The following MRPS18A variants were observed in gnomAD, a reference collection of about 807,000 sequenced individuals.
MRPS18A encodes the protein mitochondrial ribosomal protein S18A.
A neutral mutation model predicts 22.7 loss-of-function variants in MRPS18A; 20 were observed. The observed-to-expected ratio is 0.88, with a 90% CI of 0.62 to 1.28. The LOEUF is 1.28. Ranked by LOEUF, MRPS18A falls within the 50% of genes most tolerant of loss-of-function variation. MRPS18A has a pLI of 0.00. For synonymous variants in MRPS18A, 106 were observed against 99.1 expected, an observed-to-expected ratio of 1.07 and a Z score of -0.41; for missense variants, 294 against 262.6, an observed-to-expected ratio of 1.12 and a Z score of -0.83.
Position 43,671,239 on chromosome 6 carries a change from G to T in MRPS18A, c.*523C>A. On this transcript the variant is annotated 3_prime_UTR_variant, in exon 6 of 6. Transcript: ENST00000372133. Reference sequence around the variant, plus strand: ...AGTTTCTTGGATTCACACGAGAGCGGCAAGTGTGTCAGGCAGCCCACCTTG... The same window carrying T: ...AGTTTCTTGGATTCACACGAGAGCGTCAAGTGTGTCAGGCAGCCCACCTTG... The T allele has an allele frequency of 1.9e-6, 1 of 538,830 alleles. No homozygotes were observed. Among genetic ancestry groups the T allele is most frequent in the South Asian group, 2.2e-5 (1 of 45,714 alleles). 33.4% of individuals were successfully genotyped at this position (538,830 alleles called of 1,614,324 possible). A position where few individuals can be genotyped will look rare whatever the true frequency, so the allele number is the denominator to read the frequency against.
At chr6:43,676,142 C>T (rs765786344) in intron 3 of MRPS18A, among the ~76,000 whole-genome samples, 10 of 149,772 alleles carry the variant, frequency 6.7e-5, no homozygotes, top group Non-Finnish European at 8.9e-5. Flanking sequence ...TGCGCCCCTA[C>T]ACCCAGCCTC....
In MRPS18A at chr6:43,671,851, G is replaced by T. The variant is rs142429428; in HGVS notation, c.502C>A (p.Arg168Ser). 1.3e-5 allele frequency: 21 copies of T among 1,613,866 alleles called. No homozygotes were observed. Among genetic ancestry groups the T allele is most frequent in the Non-Finnish European group, 1.7e-5 (20 of 1,179,958 alleles). The change falls in exon 6 of 6, where the codon CGC becomes AGC. Residue 168 changes from arginine (R) to serine (S), a missense_variant. Coordinates refer to ENST00000372133, the MANE Select transcript of MRPS18A (RefSeq NM_018135.4). ...SVKPIYKKGPRWNRVRMPVGS... is the reference protein window; with the variant it reads ...SVKPIYKKGPSWNRVRMPVGS... ...ACGGGCATGCGCACCCTGTTCCAGC[G>T]GGGGCCTTTTTTGTAGATGGGCTTG...
chr6:43,671,922 A>C lies in MRPS18A; in HGVS notation c.447-16T>G, dbSNP rs199719530. 45 of 1,584,594 alleles carry C rather than the reference A, an allele frequency of 2.8e-5. No homozygotes were observed. The Admixed American group carries it at 8.0e-4, about 28-fold the overall frequency. Reference sequence around the variant, plus strand: ...CGTCAGGTACCTGTGGAGGGAGAACAAAGAGGTGCCTGTGAGGGCTGGGGG... The same window carrying C: ...CGTCAGGTACCTGTGGAGGGAGAACCAAGAGGTGCCTGTGAGGGCTGGGGG... On this transcript the variant is annotated splice_polypyrimidine_tract_variant and intron_variant, in intron 5 of 5. Coordinates refer to ENST00000372133, the MANE Select transcript of MRPS18A (RefSeq NM_018135.4).
Position 43,678,535 on chromosome 6 carries a change from G to T in MRPS18A, c.235C>A (p.His79Asn), listed in dbSNP as rs1270709653. The T allele has an allele frequency of 6.2e-7, 1 of 1,612,158 alleles. No homozygotes were observed. Among genetic ancestry groups the T allele is most frequent in the Non-Finnish European group, 8.5e-7 (1 of 1,178,364 alleles). Residue 79 changes from histidine to asparagine, a missense_variant, in exon 3 of 6, where the codon CAC becomes AAC. By Grantham distance (68) the His-to-Asn change is moderately conservative. Transcript: ENST00000372133. ...QCPICRWNLK[H>N]KYNYDDVLLL... ...AGACTCACGTCATAGTTATACTTGTGCTTCAGGTTCCAACGGCAGATGGGG... is the reference window on the plus strand; with the variant it reads ...AGACTCACGTCATAGTTATACTTGTTCTTCAGGTTCCAACGGCAGATGGGG...
chr6:43,678,773 A>G lies in MRPS18A; in HGVS notation c.145-148T>C, dbSNP rs1341602253. The G allele has an allele frequency of 1.6e-5, 10 of 620,782 alleles. No homozygotes were observed. The East Asian group carries it at 2.6e-4, about 16-fold the overall frequency. 38.5% of individuals were successfully genotyped at this position (620,782 alleles called of 1,614,324 possible). On this transcript the variant is annotated intron_variant, in intron 2 of 5. Coordinates refer to ENST00000372133, the MANE Select transcript of MRPS18A (RefSeq NM_018135.4). ...AGTAGCTAAGAGGTTTCTCTGCCTG[A>G]ACTGTGGTGTTTATTCTGTAGTTGC... is the stretch of plus-strand genomic sequence containing the variant.
intron 1 of MRPS18A, 101 bp downstream of exon 1, chr6:43,687,566 GA>G (rs1440571675): frequency 5.6e-6 from 6 of 1,077,428 alleles, no homozygotes; most frequent in Non-Finnish European, 8.1e-6. Flanking sequence ...CAAAGTTTCA[GA>G]ATCGGACGAA....
chr6:43,678,664 A>G (rs2295948), intron 2 of MRPS18A, 39 bp from the exon 3 acceptor site: 273,308 of 1,429,182 alleles, frequency 0.19, 32,664 homozygotes, highest in African/African-American at 0.47. Context: ...GAGAGACAGG[A>G]CCTGCGTGGA....
At chr6:43,680,227 T>C (rs1774316275) in intron 2 of MRPS18A, among the ~76,000 whole-genome samples, 1 of 149,824 alleles carries the variant, frequency 6.7e-6, no homozygotes, top group South Asian at 2.2e-4. Context: ...GCCTAAAAGG[T>C]ACCCTAAGGG....
chr6:43,677,877 C>T (rs9462919), intron 3 of MRPS18A, among the ~76,000 whole-genome samples: 5,872 of 152,166 alleles, frequency 0.039, 397 homozygotes, highest in African/African-American at 0.13. Context: ...TCTTTTTTCC[C>T]TGGAAACGAC....
At chr6:43,672,993 T>C (rs1192778831) in intron 5 of MRPS18A, among the ~76,000 whole-genome samples, 6 of 150,836 alleles carry the variant, frequency 4.0e-5, no homozygotes, top group African/African-American at 1.5e-4. Flanking sequence ...CTGCTTTTTT[T>C]TTTTTTTTTT....
chr6:43,687,598 A>AC, intron 1 of MRPS18A, 70 bp downstream of exon 1: 1 of 1,329,982 alleles, frequency 7.5e-7, no homozygotes, highest in Admixed American at 2.1e-5. Flanking sequence ...GAAGGAGCGC[A>AC]CCGGGGCTGG....
chr6:43,676,970 C>G (rs1273929315), intron 3 of MRPS18A, among the ~76,000 whole-genome samples: 1 of 152,224 alleles, frequency 6.6e-6, no homozygotes, highest in African/African-American at 2.4e-5. Context: ...AGCAAGCTAA[C>G]AGCTTTGTGC....
Position 43,675,280 on chromosome 6 carries a change from C to CG in MRPS18A, c.377-10dup, listed in dbSNP as rs1561949728. 2 of 1,534,318 alleles carry CG rather than the reference C, an allele frequency of 1.3e-6. No individual in the cohort carries two copies. The highest frequency in any genetic ancestry group is 2.8e-5 in the African/African-American group (2 of 72,328). On this transcript the variant is annotated splice_polypyrimidine_tract_variant and intron_variant, in intron 4 of 5. Coordinates refer to ENST00000372133, the MANE Select transcript of MRPS18A (RefSeq NM_018135.4). ...GTGATTTGGTAATAGACCTGAGTGGCGGGGAAGAGGGGATAGTCTTTGCAG... is the reference window on the plus strand; with the variant it reads ...GTGATTTGGTAATAGACCTGAGTGGCGGGGGAAGAGGGGATAGTCTTTGCAG...
chr6:43,683,257 T>C (rs1417975271), intron 1 of MRPS18A, among the ~76,000 whole-genome samples: 1 of 152,082 alleles, frequency 6.6e-6, no homozygotes, highest in Non-Finnish European at 1.5e-5. Context: ...GGTAAAACAA[T>C]AGGCAGATGC....
At chr6:43,681,504 G>A (rs1274172264) in intron 1 of MRPS18A, among the ~76,000 whole-genome samples, 1 of 152,212 alleles carries the variant, frequency 6.6e-6, no homozygotes, top group African/African-American at 2.4e-5. Flanking sequence ...TCAAAAGTAC[G>A]CAGGCGGTGT....
intron 3 of MRPS18A, among the ~76,000 whole-genome samples, chr6:43,677,129 G>T (rs879613991): frequency 1.3e-5 from 2 of 152,194 alleles, no homozygotes; most frequent in Non-Finnish European, 2.9e-5. Flanking sequence ...TACAGTGGTT[G>T]GGCGGGTGTG....
At chr6:43,677,370 C>A (rs113149369) in intron 3 of MRPS18A, among the ~76,000 whole-genome samples, 5,691 of 152,308 alleles carry the variant, frequency 0.037, 140 homozygotes, top group Non-Finnish European at 0.059. Context: ...CTGTTCAGAT[C>A]CCATGGGCAT....
intron 4 of MRPS18A, 32 bp downstream of exon 4, chr6:43,675,462 C>T (rs759043524): frequency 6.2e-7 from 1 of 1,614,122 alleles, no homozygotes; most frequent in Non-Finnish European, 8.5e-7. Context: ...GCCTGCAGCC[C>T]TCTGCCCCTC....
At position 43,675,482 on chromosome 6, in the gene MRPS18A, A is replaced by T. The variant is rs1371028304; in HGVS notation, c.376+12T>A. 2 of 1,614,034 alleles carry T rather than the reference A, an allele frequency of 1.2e-6. No homozygotes were observed. The highest frequency in any genetic ancestry group is 2.2e-5 in the South Asian group (2 of 91,062). Reference sequence around the variant, plus strand: ...CAGCCCTCTGCCCCTCTTGGTCCCCAGGGCCTTCTACCTGCTCGGTGGGCC... The same window carrying T: ...CAGCCCTCTGCCCCTCTTGGTCCCCTGGGCCTTCTACCTGCTCGGTGGGCC... On this transcript the variant is annotated intron_variant, in intron 4 of 5. Transcript: ENST00000372133.
Sources: allele counts gnomAD v4.1 joint callset (sites outside exome capture counted in the v4.1 genomes callset), GRCh38; gene constraint gnomAD v4.1.1; transcripts MANE v1.5; gene names NCBI Gene and HGNC (gene_info 2026-07-23, HGNC 2026-07-21).